DLGAP2: variants seen among roughly 807,000 people sequenced by gnomAD.
DLGAP2 encodes DLG associated protein 2, also known as disks large-associated protein 2.
In DLGAP2, 26 loss-of-function variants were observed where a neutral mutation model predicts 100.3. The ratio of observed to expected loss-of-function variants is 0.26; its 90% CI spans 0.19 to 0.36. The LOEUF (loss-of-function observed/expected upper bound fraction) is 0.36, where lower values mean the gene tolerates loss of function less well. Among genes scored for constraint, DLGAP2 ranks in the 10% least tolerant of loss-of-function variants. The pLI is 1.00. For synonymous variants in DLGAP2, 886 were observed against 630.1 expected, an observed-to-expected ratio of 1.41 and a Z score of -6.08; for missense variants, 1,858 against 1,453.2, an observed-to-expected ratio of 1.28 and a Z score of -4.53.
At chr8:1,562,677 C>T (rs1802217886) in intron 5 of DLGAP2, among the ~76,000 whole-genome samples, 1 of 47,568 alleles carries the variant, frequency 2.1e-5, no homozygotes, top group Non-Finnish European at 3.7e-5. Context: ...GTTGGGGTGT[C>T]CGCGCCTCAT....
At chr8:1,509,159 C>T (rs1021479393) in intron 4 of DLGAP2, among the ~76,000 whole-genome samples, 4 of 151,864 alleles carry the variant, frequency 2.6e-5, no homozygotes, top group Non-Finnish European at 5.9e-5. Context: ...TGTAAAACCC[C>T]GTCTCTACTA....
chr8:746,217 C>T (rs947886296), intron 1 of DLGAP2, among the ~76,000 whole-genome samples: 1 of 152,280 alleles, frequency 6.6e-6, no homozygotes, highest in Non-Finnish European at 1.5e-5. Flanking sequence ...TGCCTTCTCA[C>T]ACCCCATGCG....
chr8:894,059 T>C (rs1798090642), intron 1 of DLGAP2, among the ~76,000 whole-genome samples: 1 of 152,164 alleles, frequency 6.6e-6, no homozygotes, highest in African/African-American at 2.4e-5. Context: ...AGGGGCTTCT[T>C]CCCCTCGTGC....
At chr8:1,579,407 T>C (rs1046379718) in intron 6 of DLGAP2, among the ~76,000 whole-genome samples, 8 of 152,090 alleles carry the variant, frequency 5.3e-5, no homozygotes, top group Non-Finnish European at 1.2e-4. Context: ...CATGATTCCA[T>C]GGGGCGTAAT....
intron 2 of DLGAP2, among the ~76,000 whole-genome samples, chr8:1,122,348 G>T (rs1796068578): frequency 6.6e-6 from 1 of 152,174 alleles, no homozygotes; most frequent in African/African-American, 2.4e-5. Flanking sequence ...GGTGACACAT[G>T]AGATTCTAAA....
chr8:1,675,962 T>C (rs916213777), intron 10 of DLGAP2, among the ~76,000 whole-genome samples: 1 of 152,190 alleles, frequency 6.6e-6, no homozygotes, highest in African/African-American at 2.4e-5. Flanking sequence ...GAATTCTCTG[T>C]GGAATACATG....
In DLGAP2 at chr8:989,495, C is replaced by T. The variant is rs190159506; in HGVS notation, c.73+81529C>T. On this transcript the variant is annotated intron_variant, in intron 2 of 14. Coordinates refer to ENST00000637795, the MANE Select transcript of DLGAP2 (RefSeq NM_001346810.2). The stretch of plus-strand genomic sequence containing the variant: ...CTACATCTGGGGTTCCAGCTGCAGT[C>T]GACGGAAATACCAGGATGCAAAGGC... 1.0e-3 allele frequency among the ~76,000 whole-genome samples: 153 copies of T among 152,240 alleles called. 1 individual carries two copies. The highest frequency in any genetic ancestry group is 1.6e-3 in the Non-Finnish European group (112 of 68,014).
intron 3 of DLGAP2, among the ~76,000 whole-genome samples, chr8:1,454,444 G>A (rs1046305203): frequency 1.3e-5 from 2 of 151,042 alleles, no homozygotes; most frequent in Non-Finnish European, 3.0e-5. Context: ...ACTTCACAGA[G>A]GGGAGGGCAG....
At chr8:1,269,675 C>T (rs1466992084) in intron 3 of DLGAP2, among the ~76,000 whole-genome samples, 12 of 152,086 alleles carry the variant, frequency 7.9e-5, no homozygotes, top group Admixed American at 7.9e-4. Context: ...AAGGAAAACA[C>T]CCCAGAATAG....
intron 3 of DLGAP2, among the ~76,000 whole-genome samples, chr8:1,316,559 G>A (rs1429516571): frequency 2.3e-5 from 3 of 130,656 alleles, no homozygotes; most frequent in African/African-American, 5.6e-5. Context: ...CTGTGCGAGT[G>A]CAGCGTCTCT....
chr8:808,714 C>G (rs1796314788), intron 1 of DLGAP2, among the ~76,000 whole-genome samples: 1 of 152,194 alleles, frequency 6.6e-6, no homozygotes. Context: ...TGTGGGCCAT[C>G]TCAGGGCAGC....
At position 927,204 on chromosome 8, in the gene DLGAP2, G is replaced by C. The variant is rs1798835334; in HGVS notation, c.73+19238G>C. On this transcript the variant is annotated intron_variant, in intron 2 of 14. Transcript: ENST00000637795. ...TTCAGGAAAACTCCTACAAAGGTAA[G>C]AACGCTGTTTATAGAACATGATCCA... 4 of 985,340 alleles carry C rather than the reference G, an allele frequency of 4.1e-6. 1 individual carries two copies. In the South Asian group the frequency reaches 1.9e-4, roughly 46 times the overall value. 61.0% of individuals were successfully genotyped at this position (985,340 alleles called of 1,614,324 possible).
rs142561091 is a variant in DLGAP2, at chr8:1,249,185, A to G, written c.74-9666A>G. Among the ~76,000 whole-genome samples, 598 of 152,290 alleles carry G rather than the reference A, an allele frequency of 3.9e-3. 3 individuals carry two copies. Among genetic ancestry groups the G allele is most frequent in the Non-Finnish European group, 5.0e-3 (342 of 68,028 alleles). On this transcript the variant is annotated intron_variant, in intron 2 of 14. Coordinates refer to ENST00000637795, the MANE Select transcript of DLGAP2 (RefSeq NM_001346810.2). ...CTTGCCTGCTTTACTGCTGGAGAGAAGAGAATGGCAAGAACTCCACAGGCT... is the reference window on the plus strand; with the variant it reads ...CTTGCCTGCTTTACTGCTGGAGAGAGGAGAATGGCAAGAACTCCACAGGCT...
At chr8:1,286,725 G>A (rs1332100686) in intron 3 of DLGAP2, among the ~76,000 whole-genome samples, 2 of 152,206 alleles carry the variant, frequency 1.3e-5, no homozygotes, top group Non-Finnish European at 2.9e-5. Flanking sequence ...CAACTGGAGT[G>A]TTAATCCACA....
intron 2 of DLGAP2, among the ~76,000 whole-genome samples, chr8:1,180,033 T>G (rs1797346065): frequency 6.6e-6 from 1 of 152,196 alleles, no homozygotes; most frequent in Non-Finnish European, 1.5e-5. Flanking sequence ...ATTTTTTTAT[T>G]TGAATGGAGA....
intron 5 of DLGAP2, among the ~76,000 whole-genome samples, chr8:1,564,874 A>G (rs112842808): frequency 5.6e-4 from 85 of 152,116 alleles, no homozygotes; most frequent in Admixed American, 9.2e-4. Flanking sequence ...CAGATATGTA[A>G]CATTCATGGT....
chr8:771,414 T>G (rs1196226598), intron 1 of DLGAP2, among the ~76,000 whole-genome samples: 1 of 152,318 alleles, frequency 6.6e-6, no homozygotes, highest in East Asian at 1.9e-4. Context: ...CAGAAACACA[T>G]TTTGATTTTC....
Position 1,701,480 on chromosome 8 carries a change from G to T in DLGAP2, c.*74G>T. ...TTGTGCAGCGCGGCGCCGCCCTGGT[G>T]GTTTCTGTCTCCTCCTCCCGCTGAA... is the stretch of plus-strand genomic sequence containing the variant. On this transcript the variant is annotated 3_prime_UTR_variant, in exon 15 of 15. Coordinates refer to ENST00000637795, the MANE Select transcript of DLGAP2 (RefSeq NM_001346810.2). 1.4e-6 allele frequency: 2 copies of T among 1,436,808 alleles called. No individual in the cohort carries two copies. Among genetic ancestry groups the T allele is most frequent in the South Asian group, 1.3e-5 (1 of 77,506 alleles). The allele number at this position is 1,436,808 out of a possible 1,614,324, so 89.0% of individuals were successfully genotyped here. A position where few individuals can be genotyped will look rare whatever the true frequency, so the allele number is the denominator to read the frequency against.
At chr8:1,355,425 C>A (rs970920313) in intron 3 of DLGAP2, among the ~76,000 whole-genome samples, 1 of 152,060 alleles carries the variant, frequency 6.6e-6, no homozygotes, top group African/African-American at 2.4e-5. Flanking sequence ...AGTGCAGTGG[C>A]TCAATCTTGG....
Sources: allele counts gnomAD v4.1 joint callset (sites outside exome capture counted in the v4.1 genomes callset), GRCh38; gene constraint gnomAD v4.1.1; transcripts MANE v1.5; gene names NCBI Gene and HGNC (gene_info 2026-07-23, HGNC 2026-07-21).